The following CCSER1 variants were observed in gnomAD, a reference collection of about 807,000 sequenced individuals.
CCSER1 encodes coiled-coil serine rich protein 1.
CCSER1 carries 41 observed loss-of-function variants against 82.0 expected under a neutral mutation model. The observed-to-expected ratio is 0.50, with a 90% confidence interval of 0.39 to 0.65. The LOEUF is 0.65. Among genes scored for constraint, CCSER1 ranks in the 30% least tolerant of loss-of-function variants. The pLI, the probability that CCSER1 is intolerant of heterozygous loss-of-function variation, is 0.00. For synonymous variants in CCSER1, 414 were observed against 383.9 expected, an observed-to-expected ratio of 1.08 and a Z score of -0.92; for missense variants, 1,119 against 1,064.2, an observed-to-expected ratio of 1.05 and a Z score of -0.72.
intron 10 of CCSER1, among the ~76,000 whole-genome samples, chr4:91,191,801 C>T (rs976509033): frequency 7.9e-5 from 12 of 152,222 alleles, no homozygotes; most frequent in South Asian, 2.1e-4. Context: ...CCATGGTGTG[C>T]GTGGCCCTGA....
chr4:91,151,262 T>G (rs1001055596), intron 10 of CCSER1, among the ~76,000 whole-genome samples: 2 of 152,154 alleles, frequency 1.3e-5, no homozygotes, highest in Non-Finnish European at 2.9e-5. Context: ...TGCATAGAGG[T>G]GCTTATAGTA....
chr4:91,598,733 C>A lies in CCSER1; in HGVS notation c.2379C>A (p.Phe793Leu). 1 of 1,551,494 alleles carries A rather than the reference C, an allele frequency of 6.4e-7. No individual in the cohort carries two copies. Among genetic ancestry groups the A allele is most frequent in the Non-Finnish European group, 8.7e-7 (1 of 1,146,926 alleles). ...CQLPSLCLSNFLKDKELAEVI... is the reference protein window; with the variant it reads ...CQLPSLCLSNLLKDKELAEVI... ...TCCCAAGTCTCTGTTTAAGTAATTT[C>A]CTGAAGGACAAGGAACTAGCAGAAG... Residue 793 changes from phenylalanine (F) to leucine (L), a missense_variant, in exon 11 of 11, where the codon TTC (phenylalanine) becomes TTA (leucine). Physicochemically the swap from Phe to Leu is conservative, Grantham distance 22. Coordinates refer to ENST00000509176, the MANE Select transcript of CCSER1 (RefSeq NM_001145065.2).
chr4:91,068,219 G>A (rs891476311), intron 9 of CCSER1, among the ~76,000 whole-genome samples: 1 of 152,176 alleles, frequency 6.6e-6, no homozygotes, highest in Non-Finnish European at 1.5e-5. Context: ...AATTCATGAT[G>A]CAAATGCAGT....
chr4:91,183,078 A>T (rs1223930754), intron 10 of CCSER1, among the ~76,000 whole-genome samples: 1 of 152,198 alleles, frequency 6.6e-6, no homozygotes, highest in African/African-American at 2.4e-5. Flanking sequence ...CCTGGAAGAG[A>T]TGTATGAGCC....
chr4:90,156,970 G>A (rs962201972), intron 1 of CCSER1, among the ~76,000 whole-genome samples: 6 of 152,232 alleles, frequency 3.9e-5, no homozygotes, highest in Non-Finnish European at 7.4e-5. Flanking sequence ...TCCTAGCCTC[G>A]ATGGTTTTTA....
chr4:91,353,438 T>G (rs1748616351), intron 10 of CCSER1, among the ~76,000 whole-genome samples: 1 of 152,240 alleles, frequency 6.6e-6, no homozygotes, highest in Admixed American at 6.5e-5. Context: ...TATGAGTTGA[T>G]TTTTAACTAC....
At chr4:90,187,437 TCA>T (rs1454987481) in intron 1 of CCSER1, among the ~76,000 whole-genome samples, 1 of 148,450 alleles carries the variant, frequency 6.7e-6, no homozygotes. Flanking sequence ...CGGATTTCAC[TCA>T]CACACACACA....
At chr4:90,959,804 C>G (rs966693317) in intron 9 of CCSER1, among the ~76,000 whole-genome samples, 1 of 149,954 alleles carries the variant, frequency 6.7e-6, no homozygotes, top group Non-Finnish European at 1.5e-5. Context: ...CTCAGTCAAC[C>G]TTGACCTTTA....
intron 1 of CCSER1, among the ~76,000 whole-genome samples, chr4:90,306,479 A>C (rs1281701601): frequency 6.6e-6 from 1 of 152,210 alleles, no homozygotes; most frequent in Non-Finnish European, 1.5e-5. Context: ...AATTAAAAAT[A>C]AAATCAATTT....
intron 10 of CCSER1, among the ~76,000 whole-genome samples, chr4:91,537,034 T>TTATC (rs1274693224): frequency 6.6e-6 from 1 of 152,076 alleles, no homozygotes; most frequent in Non-Finnish European, 1.5e-5. Context: ...TTAAATACAT[T>TTATC]TATCTTCCAT....
At chr4:90,168,797 A>G (rs550771967) in intron 1 of CCSER1, among the ~76,000 whole-genome samples, 2,077 of 95,286 alleles carry the variant, frequency 0.022, 64 homozygotes, top group East Asian at 0.067. Context: ...GGTATGTGGC[A>G]TTATTTCTGA....
intron 5 of CCSER1, among the ~76,000 whole-genome samples, chr4:90,616,715 ACACACACACACACACACACACAC>A (rs1337732526): frequency 8.0e-6 from 1 of 125,650 alleles, no homozygotes; most frequent in African/African-American, 3.6e-5. Flanking sequence ...ACACACACAC[ACACACACACACACACACACACAC>A]AAATAAAATA....
intron 1 of CCSER1, among the ~76,000 whole-genome samples, chr4:90,129,505 A>G (rs1722447142): frequency 4.6e-5 from 7 of 152,246 alleles, no homozygotes; most frequent in Admixed American, 3.9e-4. Flanking sequence ...GTAGGACAGT[A>G]TCCTTAATAT....
Position 90,309,145 on chromosome 4 carries a change from T to C in CCSER1, c.861T>C (p.Phe287=), listed in dbSNP as rs763017867. Residue 287 remains phenylalanine, a synonymous_variant, in exon 2 of 11, where the codon TTT becomes TTC. Coordinates refer to ENST00000509176, the MANE Select transcript of CCSER1 (RefSeq NM_001145065.2). ...GCATGGCATCCCACTGTGACAACTT[T>C]GGCCACAATGATTCTACCTCTCAGA... ...SGSMASHCDN[F]GHNDSTSQMS... is the part of the protein sequence containing the mutation. The C allele has an allele frequency of 1.2e-6, 2 of 1,613,936 alleles. No individual in the cohort carries two copies. Among genetic ancestry groups the C allele is most frequent in the African/African-American group, 1.3e-5 (1 of 75,054 alleles).
chr4:91,357,410 G>A (rs979969114), intron 10 of CCSER1, among the ~76,000 whole-genome samples: 2 of 152,022 alleles, frequency 1.3e-5, no homozygotes, highest in Non-Finnish European at 2.9e-5. Context: ...AGAAAAACTT[G>A]TTGCATTTTT....
chr4:90,948,308 A>T (rs775614887), intron 9 of CCSER1, among the ~76,000 whole-genome samples: 12 of 151,764 alleles, frequency 7.9e-5, no homozygotes, highest in Non-Finnish European at 1.8e-4. Flanking sequence ...AATATAAATA[A>T]ATATATATAT....
Position 90,974,366 on chromosome 4 carries a change from A to G in CCSER1, c.2172+50919A>G, listed in dbSNP as rs149078317. On this transcript the variant is annotated intron_variant, in intron 9 of 10. Coordinates refer to ENST00000509176, the MANE Select transcript of CCSER1 (RefSeq NM_001145065.2). ...TATCTCAAAACATTACATTGTATAC[A>G]TATCTCAAAACATTACATTATAAAC... Among the ~76,000 whole-genome samples the G allele has an allele frequency of 4.8e-3, 697 of 145,058 alleles. 14 individuals carry two copies. Among genetic ancestry groups the G allele is most frequent in the African/African-American group, 0.019 (664 of 35,854 alleles).
chr4:90,190,969 A>C (rs140352554), intron 1 of CCSER1, among the ~76,000 whole-genome samples: 1 of 152,104 alleles, frequency 6.6e-6, no homozygotes, highest in Non-Finnish European at 1.5e-5. Context: ...AAAGAGCTTC[A>C]AAGTTTATGC....
At chr4:90,241,356 T>C (rs1256745296) in intron 1 of CCSER1, among the ~76,000 whole-genome samples, 2 of 152,172 alleles carry the variant, frequency 1.3e-5, no homozygotes, top group African/African-American at 2.4e-5. Context: ...GGTAAAGAGG[T>C]GCATGCCGGT....
Sources: allele counts gnomAD v4.1 joint callset (sites outside exome capture counted in the v4.1 genomes callset), GRCh38; gene constraint gnomAD v4.1.1; transcripts MANE v1.5; gene names NCBI Gene and HGNC (gene_info 2026-07-23, HGNC 2026-07-21).